The following CAMK2D variants were observed in gnomAD, a reference collection of about 807,000 sequenced individuals.
The protein encoded by CAMK2D is calcium/calmodulin-dependent protein kinase type II subunit delta.
A neutral mutation model predicts 84.0 loss-of-function variants in CAMK2D; 37 were observed. The ratio of observed to expected loss-of-function variants is 0.44; its 90% CI spans 0.34 to 0.58. The LOEUF is 0.58. Ranked by LOEUF, CAMK2D falls within the 20% of genes least tolerant of loss-of-function variation. The probability of loss-of-function intolerance (pLI) is 0.02; values close to 1 mark genes in which losing one functional copy is unlikely to be tolerated. For synonymous variants in CAMK2D, 202 were observed against 212.5 expected (o/e 0.95, Z 0.43); for missense variants, 448 against 652.5 (o/e 0.69, Z 3.41).
intron 4 of CAMK2D, among the ~76,000 whole-genome samples, chr4:113,602,551 C>T (rs1252144366): frequency 2.6e-5 from 4 of 152,220 alleles, no homozygotes; most frequent in African/African-American, 9.6e-5. Flanking sequence ...CCAGAGGAAT[C>T]CGCATAAGAA....
At chr4:113,540,524 G>A (rs1447303908) in intron 6 of CAMK2D, among the ~76,000 whole-genome samples, 1 of 152,140 alleles carries the variant, frequency 6.6e-6, no homozygotes, top group East Asian at 1.9e-4. Context: ...TTCATGTCCT[G>A]GCCCTAACTG....
chr4:113,649,369 T>C (rs1349073113), intron 3 of CAMK2D, among the ~76,000 whole-genome samples: 1 of 152,252 alleles, frequency 6.6e-6, no homozygotes, highest in Non-Finnish European at 1.5e-5. Flanking sequence ...CTCTCCATTA[T>C]TATTCTCAAT....
chr4:113,719,883 A>G (rs2099525123), intron 2 of CAMK2D, among the ~76,000 whole-genome samples: 1 of 152,196 alleles, frequency 6.6e-6, no homozygotes, highest in Non-Finnish European at 1.5e-5. Flanking sequence ...CAGAACTCAG[A>G]GAGACTACAG....
At chr4:113,717,121 T>C (rs2099515973) in intron 2 of CAMK2D, among the ~76,000 whole-genome samples, 1 of 152,162 alleles carries the variant, frequency 6.6e-6, no homozygotes, top group Non-Finnish European at 1.5e-5. Flanking sequence ...CTGGGATATG[T>C]TTTTTCTGTC....
intron 8 of CAMK2D, among the ~76,000 whole-genome samples, chr4:113,519,790 T>C (rs532926608): frequency 5.3e-5 from 8 of 152,324 alleles, no homozygotes; most frequent in African/African-American, 1.9e-4. Context: ...TTATCTCATT[T>C]AATCCTTGTA....
chr4:113,758,644 T>C (rs1177486856), intron 2 of CAMK2D, among the ~76,000 whole-genome samples: 6 of 152,202 alleles, frequency 3.9e-5, no homozygotes, highest in Non-Finnish European at 8.8e-5. Flanking sequence ...ATAAAAAGAA[T>C]GCAGTGAGAG....
At chr4:113,460,024 T>C in intron 18 of CAMK2D, 123 bp downstream of exon 18, 1 of 681,386 alleles carries the variant, frequency 1.5e-6, no homozygotes. Context: ...AACCATTGTA[T>C]GGTTTCAAAT....
At chr4:113,652,208 A>G (rs2099176125) in intron 3 of CAMK2D, among the ~76,000 whole-genome samples, 1 of 152,202 alleles carries the variant, frequency 6.6e-6, no homozygotes, top group Non-Finnish European at 1.5e-5. Context: ...TAAATTGTGT[A>G]ACCTCTTTAG....
chr4:113,459,588 T>G (rs2097347039), intron 18 of CAMK2D, among the ~76,000 whole-genome samples: 1 of 152,052 alleles, frequency 6.6e-6, no homozygotes, highest in Non-Finnish European at 1.5e-5. Flanking sequence ...CTTTATAGCT[T>G]ATATTATACA....
chr4:113,504,304 GTTAA>G (rs1279957968), intron 14 of CAMK2D, among the ~76,000 whole-genome samples: 3 of 152,168 alleles, frequency 2.0e-5, no homozygotes, highest in Non-Finnish European at 4.4e-5. Flanking sequence ...TAATTTAGTC[GTTAA>G]TTGTGTGGAT....
intron 2 of CAMK2D, among the ~76,000 whole-genome samples, chr4:113,732,326 T>C (rs572745967): frequency 3.7e-4 from 57 of 152,208 alleles, no homozygotes; most frequent in African/African-American, 1.3e-3. Flanking sequence ...TCTCCCTATG[T>C]TGTCCAGGCT....
intron 3 of CAMK2D, among the ~76,000 whole-genome samples, chr4:113,620,009 T>G (rs954245687): frequency 1.3e-5 from 2 of 152,130 alleles, no homozygotes; most frequent in African/African-American, 4.8e-5. Context: ...TCAGTTACTA[T>G]ATAATACAAC....
intron 14 of CAMK2D, among the ~76,000 whole-genome samples, chr4:113,504,707 G>A (rs1438099258): frequency 1.3e-5 from 2 of 151,690 alleles, no homozygotes; most frequent in Admixed American, 1.3e-4. Flanking sequence ...CAACTACAGA[G>A]ACCACAGCTA....
chr4:113,495,854 G>C (rs1236052512), intron 16 of CAMK2D, among the ~76,000 whole-genome samples: 2 of 152,264 alleles, frequency 1.3e-5, no homozygotes, highest in South Asian at 4.1e-4. Flanking sequence ...GGTGAATGGT[G>C]AGCTGAAGTG....
intron 2 of CAMK2D, among the ~76,000 whole-genome samples, chr4:113,714,760 G>A (rs1397128221): frequency 6.6e-6 from 1 of 151,866 alleles, no homozygotes; most frequent in Non-Finnish European, 1.5e-5. Context: ...CATTTCTTTG[G>A]GTCTCCATTT....
intron 16 of CAMK2D, among the ~76,000 whole-genome samples, chr4:113,492,058 G>T (rs1426373096): frequency 6.6e-6 from 1 of 152,040 alleles, no homozygotes; most frequent in Non-Finnish European, 1.5e-5. Flanking sequence ...CTTCCTAGCG[G>T]TCTATCAATT....
intron 3 of CAMK2D, among the ~76,000 whole-genome samples, chr4:113,639,019 G>A (rs1293688524): frequency 6.6e-6 from 1 of 150,994 alleles, no homozygotes; most frequent in African/African-American, 2.4e-5. Flanking sequence ...AAGGTGGGAA[G>A]ATCACCTGAG....
chr4:113,748,061 TG>T (rs1301577631), intron 2 of CAMK2D, among the ~76,000 whole-genome samples: 9 of 152,260 alleles, frequency 5.9e-5, no homozygotes, highest in Admixed American at 2.0e-4. Context: ...CTGATTCTTT[TG>T]GAAATCCAGT....
At chr4:113,720,910 C>A (rs1489126002) in intron 2 of CAMK2D, among the ~76,000 whole-genome samples, 1 of 152,062 alleles carries the variant, frequency 6.6e-6, no homozygotes, top group African/African-American at 2.4e-5. Flanking sequence ...CCCATTATTA[C>A]AACATATTAA....
Sources: allele counts gnomAD v4.1 joint callset (sites outside exome capture counted in the v4.1 genomes callset), GRCh38; gene constraint gnomAD v4.1.1; transcripts MANE v1.5; gene names NCBI Gene and HGNC (gene_info 2026-07-23, HGNC 2026-07-21).